Variants in SLC16A12 observed in about 807,000 individuals in gnomAD.
SLC16A12 encodes solute carrier family 16 member 12.
In SLC16A12, 17 loss-of-function variants were observed where a neutral mutation model predicts 42.4. The observed-to-expected ratio is 0.40, with a 90% CI of 0.27 to 0.60. The LOEUF is 0.60. Ranked by LOEUF, SLC16A12 falls within the 20% of genes least tolerant of loss-of-function variation. The pLI is 0.42. For synonymous variants in SLC16A12, 224 were observed against 229.4 expected, an observed-to-expected ratio of 0.98 and a Z score of 0.21; for missense variants, 544 against 623.0, an observed-to-expected ratio of 0.87 and a Z score of 1.35.
At chr10:89,450,631 C>T (rs1842080226) in intron 3 of SLC16A12, among the ~76,000 whole-genome samples, 2 of 152,066 alleles carry the variant, frequency 1.3e-5, no homozygotes, top group South Asian at 2.1e-4. Context: ...GGGGGAGGGA[C>T]AGCATTAGGA....
At chr10:89,441,311 G>A (rs1414455817) in intron 4 of SLC16A12, 60 bp from the exon 5 acceptor site, 1 of 1,603,570 alleles carries the variant, frequency 6.2e-7, no homozygotes, top group African/African-American at 1.3e-5. Context: ...GTGAAAGGCT[G>A]TGATGTGGCA....
At chr10:89,531,489 A>G (rs923640782) in intron 2 of SLC16A12, among the ~76,000 whole-genome samples, 2 of 152,218 alleles carry the variant, frequency 1.3e-5, no homozygotes, top group Non-Finnish European at 2.9e-5. Flanking sequence ...TGACCTAGTA[A>G]CAGCCAAGTA....
intron 4 of SLC16A12, among the ~76,000 whole-genome samples, chr10:89,443,533 ACT>A (rs1216960965): frequency 3.3e-5 from 5 of 152,328 alleles, no homozygotes; most frequent in African/African-American, 1.2e-4. Context: ...GTATTATCTA[ACT>A]GTTCTACCTG....
At chr10:89,474,173 G>A (rs1395788349) in intron 2 of SLC16A12, among the ~76,000 whole-genome samples, 1 of 151,902 alleles carries the variant, frequency 6.6e-6, no homozygotes, top group Non-Finnish European at 1.5e-5. Context: ...CAGGTTTTTG[G>A]AGATCTCTGT....
intron 2 of SLC16A12, among the ~76,000 whole-genome samples, chr10:89,481,400 G>A (rs1039753466): frequency 6.6e-6 from 1 of 151,856 alleles, no homozygotes; most frequent in Non-Finnish European, 1.5e-5. Flanking sequence ...TGGCGTAGTT[G>A]ACATTTGTCT....
intron 2 of SLC16A12, among the ~76,000 whole-genome samples, chr10:89,488,437 C>T (rs1842796525): frequency 6.6e-6 from 1 of 152,114 alleles, no homozygotes; most frequent in African/African-American, 2.4e-5. Flanking sequence ...TGGTACCACA[C>T]CTTGCACAGC....
At chr10:89,475,550 A>C (rs1452634515) in intron 2 of SLC16A12, among the ~76,000 whole-genome samples, 3 of 152,228 alleles carry the variant, frequency 2.0e-5, no homozygotes, top group African/African-American at 7.2e-5. Context: ...AGGTGAAGAG[A>C]GACTAAGACT....
intron 2 of SLC16A12, among the ~76,000 whole-genome samples, chr10:89,486,930 G>A (rs1842765102): frequency 6.6e-6 from 1 of 152,190 alleles, no homozygotes; most frequent in Non-Finnish European, 1.5e-5. Flanking sequence ...AGTGTTCAGA[G>A]AGAGATATGT....
intron 2 of SLC16A12, among the ~76,000 whole-genome samples, chr10:89,542,800 A>G (rs909632585): frequency 5.3e-5 from 8 of 152,078 alleles, no homozygotes; most frequent in African/African-American, 1.9e-4. Flanking sequence ...CCTATTCCCC[A>G]TATTTACTTC....
intron 2 of SLC16A12, among the ~76,000 whole-genome samples, chr10:89,484,818 G>A (rs532254418): frequency 1.3e-5 from 2 of 152,288 alleles, no homozygotes; most frequent in Non-Finnish European, 2.9e-5. Flanking sequence ...AATGGAGTAT[G>A]CACTCAGATA....
intron 2 of SLC16A12, among the ~76,000 whole-genome samples, chr10:89,482,311 T>C (rs899048255): frequency 1.1e-4 from 16 of 150,624 alleles, no homozygotes; most frequent in Non-Finnish European, 1.8e-4. Context: ...AAAGTTAACA[T>C]ATATTCTTAG....
At chr10:89,474,165 G>A (rs539909835) in intron 2 of SLC16A12, among the ~76,000 whole-genome samples, 1 of 152,156 alleles carries the variant, frequency 6.6e-6, no homozygotes, top group African/African-American at 2.4e-5. Context: ...CCCTCTTCCA[G>A]GTTTTTGGAG....
At chr10:89,506,864 G>C (rs545338932) in intron 2 of SLC16A12, among the ~76,000 whole-genome samples, 3 of 152,226 alleles carry the variant, frequency 2.0e-5, no homozygotes, top group African/African-American at 7.2e-5. Flanking sequence ...AGAATAACCA[G>C]TGTAGAGAAA....
At chr10:89,539,859 TTCTTTCTTTC>T (rs1843701151), upstream of SLC16A12, among the ~76,000 whole-genome samples, 1 of 117,032 alleles carries the variant, frequency 8.5e-6, no homozygotes, top group Non-Finnish European at 1.8e-5. Flanking sequence ...AAACAAATTT[TTCTTTCTTTC>T]TTTCTTTCTT....
chr10:89,515,034 G>A (rs940040441), intron 2 of SLC16A12, among the ~76,000 whole-genome samples: 1 of 152,076 alleles, frequency 6.6e-6, no homozygotes, highest in Non-Finnish European at 1.5e-5. Context: ...AGAGGTCACA[G>A]TGAGCCGAGA....
intron 3 of SLC16A12, among the ~76,000 whole-genome samples, chr10:89,449,686 A>T (rs1323498837): frequency 2.0e-5 from 3 of 152,224 alleles, no homozygotes; most frequent in Non-Finnish European, 4.4e-5. Context: ...ACCATTCAGG[A>T]CATAGGCATG....
intron 2 of SLC16A12, among the ~76,000 whole-genome samples, chr10:89,485,644 T>C (rs1171264644): frequency 6.6e-6 from 1 of 152,146 alleles, no homozygotes; most frequent in Non-Finnish European, 1.5e-5. Context: ...AAGAGTGTAT[T>C]AAACACAGAG....
intron 2 of SLC16A12, among the ~76,000 whole-genome samples, chr10:89,510,605 G>A (rs879712360): frequency 6.6e-6 from 1 of 152,148 alleles, no homozygotes; most frequent in Non-Finnish European, 1.5e-5. Context: ...AGATTTAAAT[G>A]TAAGACTTAA....
At chr10:89,440,664 T>C (rs1485327701) in intron 5 of SLC16A12, among the ~76,000 whole-genome samples, 1 of 151,854 alleles carries the variant, frequency 6.6e-6, no homozygotes, top group African/African-American at 2.4e-5. Context: ...TATAAGAATA[T>C]TCACAATAAA....
Sources: allele counts gnomAD v4.1 joint callset (sites outside exome capture counted in the v4.1 genomes callset), GRCh38; gene constraint gnomAD v4.1.1; transcripts MANE v1.5; gene names NCBI Gene and HGNC (gene_info 2026-07-23, HGNC 2026-07-21).